The following TECRL variants were observed in gnomAD, a reference collection of about 807,000 sequenced individuals.
The protein encoded by TECRL is trans-2,3-enoyl-CoA reductase like.
In TECRL, 63 loss-of-function variants were observed where a neutral mutation model predicts 52.8. The observed-to-expected ratio is 1.19, with a 90% CI of 0.97 to 1.47. The LOEUF is 1.47. Among genes scored for constraint, TECRL ranks in the 40% most tolerant of loss-of-function variants. The pLI is 0.00. For missense variants in TECRL, 482 were observed against 429.6 expected, an observed-to-expected ratio of 1.12 and a Z score of -1.08; for synonymous variants, 164 against 141.9, an observed-to-expected ratio of 1.16 and a Z score of -1.10.
At chr4:64,346,890 C>T (rs1720027913) in intron 2 of TECRL, among the ~76,000 whole-genome samples, 1 of 152,180 alleles carries the variant, frequency 6.6e-6, no homozygotes, top group Non-Finnish European at 1.5e-5. Flanking sequence ...TAAACCCTGT[C>T]CTTACTTCTG....
In TECRL at chr4:64,355,778, G is replaced by C. The variant is rs1475119671; in HGVS notation, c.286+19394C>G. On this transcript the variant is annotated intron_variant, in intron 2 of 11. Transcript: ENST00000381210. ...CTACTGCACTCCAGCCTGGGCAACA[G>C]AGTGAGACTCTGTCTCAAAAAAAAA... Among the ~76,000 whole-genome samples the C allele has an allele frequency of 6.7e-5, 8 of 119,242 alleles. No individual in the cohort carries two copies. The Admixed American group carries it at 8.7e-4, about 13-fold the overall frequency. The allele number at this position is 119,242 out of a possible 152,430, so 78.2% of individuals were successfully genotyped here.
intron 8 of TECRL, among the ~76,000 whole-genome samples, chr4:64,294,098 T>G (rs1315278643): frequency 6.6e-6 from 1 of 151,728 alleles, no homozygotes. Flanking sequence ...GCAATTTTCC[T>G]GCCTCAGCCT....
At chr4:64,308,634 C>A (rs1192797189) in intron 6 of TECRL, among the ~76,000 whole-genome samples, 4 of 152,160 alleles carry the variant, frequency 2.6e-5, no homozygotes, top group Non-Finnish European at 4.4e-5. Flanking sequence ...TTTAATAAAT[C>A]CTACTCTGCC....
intron 1 of TECRL, among the ~76,000 whole-genome samples, chr4:64,407,485 ATGTGTG>A (rs35563807): frequency 6.7e-6 from 1 of 148,696 alleles, no homozygotes; most frequent in African/African-American, 2.5e-5. Flanking sequence ...ACTAATTGGC[ATGTGTG>A]TGTGTGTGTG....
chr4:64,405,832 C>T (rs969811924), intron 1 of TECRL, among the ~76,000 whole-genome samples: 3 of 152,114 alleles, frequency 2.0e-5, no homozygotes, highest in African/African-American at 7.2e-5. Context: ...GTATATTCTC[C>T]TGGAACTCAA....
At chr4:64,356,184 G>A (rs1182606251) in intron 2 of TECRL, among the ~76,000 whole-genome samples, 1 of 152,174 alleles carries the variant, frequency 6.6e-6, no homozygotes, top group South Asian at 2.1e-4. Context: ...AAGCTGCAGA[G>A]ACCTCTGCCC....
chr4:64,351,843 A>G (rs549417808), intron 2 of TECRL, among the ~76,000 whole-genome samples: 3 of 152,316 alleles, frequency 2.0e-5, no homozygotes, highest in Admixed American at 1.3e-4. Context: ...ACTACACTTT[A>G]TAAATTAGTC....
intron 1 of TECRL, among the ~76,000 whole-genome samples, chr4:64,389,138 A>G (rs187309949): frequency 1.3e-5 from 2 of 152,000 alleles, no homozygotes; most frequent in East Asian, 3.9e-4. Context: ...ATTAGCTAGA[A>G]CTTCCAGTAA....
rs777171822 is a variant in TECRL at position 64,345,907 on chromosome 4, C to CAAA, written c.287-17354_287-17352dup. ...CCAACACTGATGGGTGCCTCAACAG[C>CAAA]AAAAAAAAAAAAAAAAAAAAAAAAC... is the stretch of plus-strand genomic sequence containing the variant. On this transcript the variant is annotated intron_variant, in intron 2 of 11. Coordinates refer to ENST00000381210, the MANE Select transcript of TECRL (RefSeq NM_001010874.5). Among the ~76,000 whole-genome samples the CAAA allele has an allele frequency of 2.5e-3, 58 of 23,344 alleles. 13 individuals carry two copies. Among genetic ancestry groups the CAAA allele is most frequent in the African/African-American group, 9.4e-3 (50 of 5,344 alleles). The allele number at this position is 23,344 out of a possible 152,430, so 15.3% of individuals were successfully genotyped here.
chr4:64,376,258 A>G (rs1293225455), intron 1 of TECRL, among the ~76,000 whole-genome samples: 1 of 151,830 alleles, frequency 6.6e-6, no homozygotes, highest in Non-Finnish European at 1.5e-5. Context: ...AACTTTTTTT[A>G]TGATTTCCTG....
intron 8 of TECRL, among the ~76,000 whole-genome samples, chr4:64,290,040 TCG>T (rs1047425963): frequency 2.1e-4 from 32 of 152,328 alleles, no homozygotes; most frequent in Admixed American, 1.0e-3. Flanking sequence ...GTCTTGTTAA[TCG>T]GCTTTGTACT....
At chr4:64,378,894 T>TTTTA (rs5858885) in intron 1 of TECRL, among the ~76,000 whole-genome samples, 146,192 of 151,658 alleles carry the variant, frequency 0.96, 70,627 homozygotes, top group East Asian at 1. Flanking sequence ...ATTGTATCAA[T>TTTTA]TTTGTTTATA....
In TECRL at chr4:64,368,751, A is replaced by AT. The variant is rs1386984490; in HGVS notation, c.286+6420dup. Among the ~76,000 whole-genome samples, 3 of 152,104 alleles carry AT rather than the reference A, an allele frequency of 2.0e-5. No individual in the cohort carries two copies. The East Asian group carries it at 5.8e-4, about 29-fold the overall frequency. ...GCTTTTTTTGTTAAGAGTTCAGGGA[A>AT]TTCCACAGCCTTGTCCAGGGGACTG... On this transcript the variant is annotated intron_variant, in intron 2 of 11. Transcript: ENST00000381210.
intron 5 of TECRL, among the ~76,000 whole-genome samples, chr4:64,310,779 G>C (rs1422927047): frequency 2.6e-5 from 4 of 152,160 alleles, no homozygotes; most frequent in Non-Finnish European, 5.9e-5. Flanking sequence ...CCAGGCTGCA[G>C]TGCAGTGGCA....
At chr4:64,364,322 A>T (rs1433983500) in intron 2 of TECRL, among the ~76,000 whole-genome samples, 2 of 152,092 alleles carry the variant, frequency 1.3e-5, no homozygotes, top group African/African-American at 4.8e-5. Flanking sequence ...AAGCTCTCAT[A>T]TTAACAACGT....
chr4:64,280,231 T>A, intron 11 of TECRL, 32 bp from the exon 12 acceptor site: 1 of 1,329,770 alleles, frequency 7.5e-7, no homozygotes, highest in Non-Finnish European at 9.7e-7. Flanking sequence ...TATTATTTCT[T>A]TCTTATTTCT....
At chr4:64,302,811 T>C (rs149266548) in intron 7 of TECRL, among the ~76,000 whole-genome samples, 6 of 151,552 alleles carry the variant, frequency 4.0e-5, no homozygotes, top group African/African-American at 1.4e-4. Context: ...CTTCCTTAAA[T>C]ATGATTATTT....
At chr4:64,309,706 A>G in intron 6 of TECRL, 120 bp downstream of exon 6, 2 of 726,710 alleles carry the variant, frequency 2.8e-6, no homozygotes, top group South Asian at 3.2e-5. Context: ...ATGTTTAAGT[A>G]TGCTTATGCA....
At chr4:64,283,917 C>T (rs1362311737) in intron 9 of TECRL, among the ~76,000 whole-genome samples, 2 of 151,972 alleles carry the variant, frequency 1.3e-5, no homozygotes, top group Admixed American at 6.6e-5. Context: ...TGAAGATCTC[C>T]CCTATCTTTT....
Sources: allele counts gnomAD v4.1 joint callset (sites outside exome capture counted in the v4.1 genomes callset), GRCh38; gene constraint gnomAD v4.1.1; transcripts MANE v1.5; gene names NCBI Gene and HGNC (gene_info 2026-07-23, HGNC 2026-07-21).